CCDC141: variants seen among roughly 807,000 people sequenced by gnomAD.
CCDC141 encodes coiled-coil domain-containing protein 141.
A neutral mutation model predicts 181.0 loss-of-function variants in CCDC141; 168 were observed. That is an observed-to-expected ratio of 0.93 (90% confidence interval 0.82 to 1.05). The LOEUF (loss-of-function observed/expected upper bound fraction) is 1.05. CCDC141 is among the 50% of genes least tolerant of loss of function. The probability of loss-of-function intolerance (pLI) is 0.00; values close to 1 mark genes in which losing one functional copy is unlikely to be tolerated. For missense variants in CCDC141, 1,902 were observed against 1,788.5 expected, an observed-to-expected ratio of 1.06 and a Z score of -1.14; for synonymous variants, 666 against 642.3, an observed-to-expected ratio of 1.04 and a Z score of -0.56.
At chr2:178,981,638 A>G (rs183325207) in intron 2 of CCDC141, among the ~76,000 whole-genome samples, 16 of 56,262 alleles carry the variant, frequency 2.8e-4, no homozygotes, top group East Asian at 8.2e-4. Context: ...GTGTGTGTGT[A>G]TATATATATA....
At chr2:178,903,431 A>G (rs1687803484) in intron 8 of CCDC141, among the ~76,000 whole-genome samples, 1 of 152,168 alleles carries the variant, frequency 6.6e-6, no homozygotes. Context: ...GCAGTCATAA[A>G]AATTATGAGT....
Position 179,047,372 on chromosome 2 carries a change from G to A in CCDC141, c.137C>T (p.Ser46Leu). 6.5e-7 allele frequency: 1 copy of A among 1,533,574 alleles called. No individual in the cohort carries two copies. The highest frequency in any genetic ancestry group is 8.8e-7 in the Non-Finnish European group (1 of 1,141,712). The allele number at this position is 1,533,574 out of a possible 1,614,324, so 95.0% of individuals were successfully genotyped here. Residue 46 changes from serine (S) to leucine (L), a missense_variant, in exon 2 of 24, where the codon TCA (serine) becomes TTA (leucine). Physicochemically the swap from Ser to Leu is moderately radical, Grantham distance 145. Coordinates refer to ENST00000443758, the MANE Select transcript of CCDC141 (RefSeq NM_173648.4). ...GKWVQLQLAE[S>L]QPNLLEIGSS... Reference sequence around the variant, plus strand: ...GCCAATTTCTAGAAGATTGGGCTGTGATTCAGCCAGTTGAAGTTGTACCCA... The same window carrying A: ...GCCAATTTCTAGAAGATTGGGCTGTAATTCAGCCAGTTGAAGTTGTACCCA...
At position 178,849,123 on chromosome 2, in the gene CCDC141, A is replaced by C. The variant is rs563435769; in HGVS notation, c.3357+926T>G. 3.3e-5 allele frequency among the ~76,000 whole-genome samples: 5 copies of C among 152,350 alleles called. No homozygotes were observed. In the South Asian group the frequency reaches 1.0e-3, roughly 32 times the overall value. On this transcript the variant is annotated intron_variant, in intron 21 of 23. Coordinates refer to ENST00000443758, the MANE Select transcript of CCDC141 (RefSeq NM_173648.4). Reference sequence around the variant, plus strand: ...AACTATTTGAATAGAAGAGGCACATAAATTTATGACATGGAAATTCCTACA... The same window carrying C: ...AACTATTTGAATAGAAGAGGCACATCAATTTATGACATGGAAATTCCTACA...
chr2:178,908,010 A>T (rs558329400), intron 7 of CCDC141, among the ~76,000 whole-genome samples: 29 of 152,224 alleles, frequency 1.9e-4, no homozygotes, highest in African/African-American at 6.5e-4. Flanking sequence ...AAAAAATAAA[A>T]AAAAAAATAA....
chr2:178,872,376 A>G (rs1405455085), intron 12 of CCDC141, 64 bp from the exon 13 acceptor site: 7 of 1,414,154 alleles, frequency 4.9e-6, no homozygotes, highest in Non-Finnish European at 5.8e-6. Context: ...TTTGTTGTAT[A>G]TAACTATTTT....
intron 12 of CCDC141, chr2:178,873,576 A>G (rs1686216164): frequency 6.6e-6 from 1 of 152,208 alleles, no homozygotes; most frequent in Non-Finnish European, 1.5e-5. Flanking sequence ...AATCAGAAGG[A>G]TATGGTGGTC....
chr2:178,944,436 G>T, intron 6 of CCDC141, 99 bp downstream of exon 6: 1 of 482,838 alleles, frequency 2.1e-6, no homozygotes, highest in Non-Finnish European at 3.5e-6. Flanking sequence ...ATTAATCAAA[G>T]ACAGTTCTCA....
chr2:178,873,149 C>T (rs1686193985), intron 12 of CCDC141: 2 of 152,142 alleles, frequency 1.3e-5, no homozygotes, highest in African/African-American at 2.4e-5. Flanking sequence ...AAATTTCTAT[C>T]ATCTCAATGA....
At chr2:179,028,931 C>A (rs376735862) in intron 2 of CCDC141, among the ~76,000 whole-genome samples, 1 of 152,126 alleles carries the variant, frequency 6.6e-6, no homozygotes, top group Non-Finnish European at 1.5e-5. Flanking sequence ...AATCTACCCC[C>A]GCTTTAAAAA....
At chr2:179,035,146 A>T (rs1040396472) in intron 2 of CCDC141, among the ~76,000 whole-genome samples, 1 of 152,030 alleles carries the variant, frequency 6.6e-6, no homozygotes, top group Non-Finnish European at 1.5e-5. Flanking sequence ...CTATCAAGAA[A>T]CTATATCAGA....
chr2:179,000,219 TG>T (rs1410101911), intron 2 of CCDC141, among the ~76,000 whole-genome samples: 1 of 152,062 alleles, frequency 6.6e-6, no homozygotes, highest in Non-Finnish European at 1.5e-5. Context: ...TTTAAGTGGT[TG>T]AAAACAAAAC....
In CCDC141 at chr2:178,924,049, T is replaced by C. The variant is rs116279660; in HGVS notation, c.898-5142A>G. Among the ~76,000 whole-genome samples, 1,341 of 152,316 alleles carry C rather than the reference T, an allele frequency of 8.8e-3. 24 individuals carry two copies. The highest frequency in any genetic ancestry group is 0.031 in the African/African-American group (1,288 of 41,568). On this transcript the variant is annotated intron_variant, in intron 6 of 23. Coordinates refer to ENST00000443758, the MANE Select transcript of CCDC141 (RefSeq NM_173648.4). ...AGAAAAAATAATAATAACTACAGTA[T>C]GTTTAGTAAGCTTTTGCTCACACAA...
the CCDC141 span, among the ~76,000 whole-genome samples, chr2:178,816,376 G>C: frequency 6.6e-6 from 1 of 152,084 alleles, no homozygotes. Context: ...TGCCTTAGTC[G>C]TGTACTTCTT....
chr2:178,922,963 G>C (rs1214505844), intron 6 of CCDC141, among the ~76,000 whole-genome samples: 2 of 152,094 alleles, frequency 1.3e-5, no homozygotes, highest in Admixed American at 6.5e-5. Context: ...CAGTATTTCT[G>C]TTCAATCTTC....
Position 178,975,155 on chromosome 2 carries a change from T to G in CCDC141, c.428A>C (p.Lys143Thr), listed in dbSNP as rs1334936852. The G allele has an allele frequency of 6.7e-7, 1 of 1,482,278 alleles. No individual in the cohort carries two copies. The highest frequency in any genetic ancestry group is 1.3e-5 in the South Asian group (1 of 78,690). The allele number at this position is 1,482,278 out of a possible 1,614,324, so 91.8% of individuals were successfully genotyped here. Residue 143 changes from lysine (K) to threonine (T), a missense_variant, in exon 4 of 24, where the codon AAA becomes ACA. By Grantham distance (78) the Lys-to-Thr change is moderately conservative. Transcript: ENST00000443758. ...FFENALEFAI[K>T]IDQAEDFLQN... ...GAGGAAATCTTCAGCTTGGTCTATTTTAATAGCAAACTACAATAGAAATAC... is the reference window on the plus strand; with the variant it reads ...GAGGAAATCTTCAGCTTGGTCTATTGTAATAGCAAACTACAATAGAAATAC...
At chr2:178,938,903 T>C (rs1456373632) in intron 6 of CCDC141, among the ~76,000 whole-genome samples, 1 of 152,158 alleles carries the variant, frequency 6.6e-6, no homozygotes, top group Non-Finnish European at 1.5e-5. Flanking sequence ...TTCTAGATAT[T>C]GCATTGCTCC....
rs954693967 is a variant in CCDC141, at chr2:178,837,282, G to T, written c.3937C>A (p.His1313Asn). ...TCTGGATGTTCAGCACTGATTCTGT[G>T]TAAGGCAGTACTCTTTTCCACGAAT... ...RGFVEKSTAL[H>N]RISAEHPESM... is the part of the protein sequence containing the mutation. The change falls in exon 23 of 24, where the codon CAC (histidine) becomes AAC (asparagine). Residue 1313 changes from histidine to asparagine, a missense_variant. Transcript: ENST00000443758. 3.1e-6 allele frequency: 5 copies of T among 1,614,104 alleles called. No homozygotes were observed. The highest frequency in any genetic ancestry group is 3.4e-6 in the Non-Finnish European group (4 of 1,179,982).
chr2:179,029,835 C>T (rs772171999), intron 2 of CCDC141, among the ~76,000 whole-genome samples: 49 of 152,120 alleles, frequency 3.2e-4, no homozygotes, highest in Non-Finnish European at 5.6e-4. Context: ...TTCTAAGTCT[C>T]AGGTGATATA....
chr2:178,987,327 T>C (rs979877831), intron 2 of CCDC141, among the ~76,000 whole-genome samples: 67 of 152,160 alleles, frequency 4.4e-4, no homozygotes, highest in African/African-American at 1.4e-3. Context: ...TCAAGATGGA[T>C]TAAAGACTTA....
Sources: gnomAD v4.1 joint callset for allele counts (sites outside exome capture counted in the v4.1 genomes callset) on GRCh38, gnomAD v4.1.1 for gene constraint, MANE v1.5 for transcripts, NCBI Gene and HGNC (gene_info 2026-07-23, HGNC 2026-07-21) for gene names.